The following TMEM132D variants were observed in gnomAD, a reference collection of about 807,000 sequenced individuals.
TMEM132D encodes mature OL transmembrane protein.
In TMEM132D, 21 loss-of-function variants were observed where a neutral mutation model predicts 62.3. The ratio of observed to expected loss-of-function variants is 0.34; its 90% CI spans 0.24 to 0.49. TMEM132D has a LOEUF of 0.49. Among genes scored for constraint, TMEM132D ranks in the 20% least tolerant of loss-of-function variants. TMEM132D has a pLI of 0.99. For missense variants in TMEM132D, 1,346 were observed against 1,402.8 expected, an observed-to-expected ratio of 0.96 and a Z score of 0.65; for synonymous variants, 621 against 575.6, an observed-to-expected ratio of 1.08 and a Z score of -1.13.
In TMEM132D at chr12:129,877,269, T is replaced by C. The variant is rs543562905; in HGVS notation, c.79+25992A>G. Among the ~76,000 whole-genome samples, 4 of 151,914 alleles carry C rather than the reference T, an allele frequency of 2.6e-5. No individual in the cohort carries two copies. The East Asian group carries it at 7.7e-4, about 29-fold the overall frequency. On this transcript the variant is annotated intron_variant, in intron 1 of 8. Coordinates refer to ENST00000422113, the MANE Select transcript of TMEM132D (RefSeq NM_133448.3). ...TGAAATAGAAAGTTCACCATGGCCGTGGTACAAACACTTTCAGAGAACCAC... is the reference window on the plus strand; with the variant it reads ...TGAAATAGAAAGTTCACCATGGCCGCGGTACAAACACTTTCAGAGAACCAC...
chr12:129,731,657 G>A (rs1406686319), intron 1 of TMEM132D, among the ~76,000 whole-genome samples: 1 of 139,562 alleles, frequency 7.2e-6, no homozygotes, highest in Non-Finnish European at 1.5e-5. Flanking sequence ...CAGACTTGAA[G>A]CCACTGGAAA....
chr12:129,400,313 AG>A (rs1871582411), intron 3 of TMEM132D, among the ~76,000 whole-genome samples: 1 of 152,220 alleles, frequency 6.6e-6, no homozygotes, highest in South Asian at 2.1e-4. Context: ...GGTATCTGCT[AG>A]GCCTGGCAAA....
At chr12:129,264,367 C>T (rs751803931) in intron 4 of TMEM132D, among the ~76,000 whole-genome samples, 23 of 151,890 alleles carry the variant, frequency 1.5e-4, no homozygotes, top group Non-Finnish European at 2.4e-4. Flanking sequence ...CCAGCCTGGG[C>T]GACAGAGCGA....
chr12:129,168,302 C>T (rs1158727537), intron 5 of TMEM132D, among the ~76,000 whole-genome samples: 1 of 152,058 alleles, frequency 6.6e-6, no homozygotes, highest in East Asian at 1.9e-4. Context: ...ACATACCACA[C>T]AAATTATCCT....
At chr12:129,293,120 C>T (rs1399081823) in intron 4 of TMEM132D, among the ~76,000 whole-genome samples, 1 of 152,142 alleles carries the variant, frequency 6.6e-6, no homozygotes. Context: ...CTTTGCATAT[C>T]ATCCTGGAGA....
At chr12:129,620,616 A>G (rs1879039434) in intron 2 of TMEM132D, among the ~76,000 whole-genome samples, 1 of 152,210 alleles carries the variant, frequency 6.6e-6, no homozygotes, top group South Asian at 2.1e-4. Flanking sequence ...TGTGGTACAT[A>G]TACACCATGG....
At chr12:129,836,011 T>C (rs1486022260) in intron 1 of TMEM132D, among the ~76,000 whole-genome samples, 2 of 152,186 alleles carry the variant, frequency 1.3e-5, no homozygotes, top group East Asian at 3.9e-4. Flanking sequence ...ATAACTGAAA[T>C]GAGAAATACA....
intron 2 of TMEM132D, among the ~76,000 whole-genome samples, chr12:129,687,754 T>C (rs1565949294): frequency 6.6e-6 from 1 of 152,068 alleles, no homozygotes; most frequent in Non-Finnish European, 1.5e-5. Flanking sequence ...CAGTTTTGGG[T>C]CCTGCTTGGC....
At chr12:129,165,259 A>G (rs1379780347) in intron 5 of TMEM132D, among the ~76,000 whole-genome samples, 3 of 152,206 alleles carry the variant, frequency 2.0e-5, no homozygotes, top group Non-Finnish European at 2.9e-5. Flanking sequence ...CAGCAGTGGT[A>G]GTGATGTACA....
chr12:129,696,661 T>C (rs944195169), intron 2 of TMEM132D, among the ~76,000 whole-genome samples: 5 of 152,292 alleles, frequency 3.3e-5, no homozygotes, highest in Middle Eastern at 3.4e-3. Flanking sequence ...AGTTCTTATC[T>C]TCCTCCAGGC....
chr12:129,896,213 G>A (rs1477952304), intron 1 of TMEM132D, among the ~76,000 whole-genome samples: 1 of 151,700 alleles, frequency 6.6e-6, no homozygotes, highest in East Asian at 1.9e-4. Context: ...TTGAACTCCT[G>A]GACTCCTCAA....
At chr12:129,152,587 C>T (rs1261407346) in intron 5 of TMEM132D, among the ~76,000 whole-genome samples, 2 of 152,170 alleles carry the variant, frequency 1.3e-5, no homozygotes, top group East Asian at 3.9e-4. Flanking sequence ...TAATCTCCAC[C>T]CGCCCCTGCA....
chr12:129,495,417 C>G (rs1196010823), intron 3 of TMEM132D, among the ~76,000 whole-genome samples: 1 of 152,140 alleles, frequency 6.6e-6, no homozygotes, highest in African/African-American at 2.4e-5. Context: ...TCAAGCACCT[C>G]TGTTTTACAT....
At chr12:129,650,434 A>T (rs1879898043) in intron 2 of TMEM132D, among the ~76,000 whole-genome samples, 2 of 152,138 alleles carry the variant, frequency 1.3e-5, no homozygotes, top group South Asian at 4.1e-4. Context: ...TATTTATCAT[A>T]TTTTTTGTGA....
intron 4 of TMEM132D, among the ~76,000 whole-genome samples, chr12:129,272,989 A>C (rs1258119843): frequency 6.6e-6 from 1 of 151,842 alleles, no homozygotes; most frequent in Admixed American, 6.5e-5. Flanking sequence ...TGAGGTCAGG[A>C]GTTCAAGACC....
intron 5 of TMEM132D, chr12:129,084,982 G>C (rs142828513): frequency 7.6e-6 from 4 of 524,600 alleles, no homozygotes; most frequent in Non-Finnish European, 1.3e-5. Flanking sequence ...GTGTGTTGCC[G>C]ACAGCTCCTG....
chr12:129,787,750 C>G (rs1330995228), intron 1 of TMEM132D, among the ~76,000 whole-genome samples: 2 of 152,142 alleles, frequency 1.3e-5, no homozygotes, highest in African/African-American at 4.8e-5. Flanking sequence ...GCCACCAGGG[C>G]AAAGAGTGGG....
At chr12:129,330,784 C>T (rs928943248) in intron 4 of TMEM132D, among the ~76,000 whole-genome samples, 9 of 152,290 alleles carry the variant, frequency 5.9e-5, no homozygotes, top group African/African-American at 1.4e-4. Context: ...CCTTACAAAT[C>T]GCCCAGTGTC....
At chr12:129,270,524 C>T (rs1047185227) in intron 4 of TMEM132D, among the ~76,000 whole-genome samples, 1 of 152,138 alleles carries the variant, frequency 6.6e-6, no homozygotes, top group Non-Finnish European at 1.5e-5. Context: ...TACACAAATG[C>T]CGTTTGAATC....
Sources: gnomAD v4.1 joint callset for allele counts (sites outside exome capture counted in the v4.1 genomes callset) on GRCh38, gnomAD v4.1.1 for gene constraint, MANE v1.5 for transcripts, NCBI Gene and HGNC (gene_info 2026-07-23, HGNC 2026-07-21) for gene names.